The following LY6S variants were observed in gnomAD, a reference collection of about 807,000 sequenced individuals.
LY6S encodes lymphocyte antigen 6 family member S.
At chr8:143,068,531 A>G in the LY6S span, among the ~76,000 whole-genome samples, 1 of 152,092 alleles carries the variant, frequency 6.6e-6, no homozygotes, top group African/African-American at 2.4e-5. Flanking sequence ...AGATGCCAGC[A>G]CTGTGCTTCC....
chr8:143,057,702 G>C, the LY6S span: 2 of 810,248 alleles, frequency 2.5e-6, no homozygotes, highest in Non-Finnish European at 4.5e-6. Flanking sequence ...GCAGTAAGGC[G>C]TTGTTTAATG....
chr8:143,047,958 C>T, the LY6S span: 2 of 152,242 alleles, frequency 1.3e-5, no homozygotes, highest in African/African-American at 4.8e-5. Context: ...GTTCTTTCTC[C>T]TTTGCAATAC....
chr8:143,065,888 G>T, the LY6S span: 1 of 208,228 alleles, frequency 4.8e-6, no homozygotes, highest in Non-Finnish European at 9.8e-6. Flanking sequence ...AGAATAGTCT[G>T]TCTTCAGTCT....
chr8:143,068,231 G>A, the LY6S span, among the ~76,000 whole-genome samples: 1 of 152,214 alleles, frequency 6.6e-6, no homozygotes, highest in Non-Finnish European at 1.5e-5. Context: ...CATACTGCCT[G>A]CCAACAAATT....
chr8:143,057,124 T>C, the LY6S span: 1 of 353,740 alleles, frequency 2.8e-6, no homozygotes, highest in Non-Finnish European at 5.7e-6. Flanking sequence ...AGTGTATATA[T>C]AGGGCCAAAT....
At chr8:143,054,799 G>C in the LY6S span, among the ~76,000 whole-genome samples, 1 of 152,182 alleles carries the variant, frequency 6.6e-6, no homozygotes, top group Non-Finnish European at 1.5e-5. Flanking sequence ...ATTGGGATTA[G>C]CAGGGACAGC....
At chr8:143,052,916 G>T in the LY6S span, among the ~76,000 whole-genome samples, 1 of 152,190 alleles carries the variant, frequency 6.6e-6, no homozygotes, top group Non-Finnish European at 1.5e-5. Flanking sequence ...CCTTAGACCT[G>T]TTAATCAAAC....
the LY6S span, among the ~76,000 whole-genome samples, chr8:143,062,055 A>G: frequency 1.3e-5 from 2 of 152,240 alleles, no homozygotes; most frequent in Admixed American, 6.5e-5. Flanking sequence ...ATAATTAGAA[A>G]TAAAACATAT....
the LY6S span, chr8:143,044,040 A>AGCTGAGGGT: frequency 3.0e-4 from 132 of 433,114 alleles, no homozygotes; most frequent in East Asian, 3.9e-3. Context: ...CAGCTCCGAG[A>AGCTGAGGGT]GCTGAGGGTG....
At chr8:143,057,840 A>G in the LY6S span, 1 of 740,574 alleles carries the variant, frequency 1.4e-6, no homozygotes, top group Non-Finnish European at 2.5e-6. Context: ...CGGCTCCTGC[A>G]GCTGGCCTGA....
chr8:143,067,059 T>C, the LY6S span, among the ~76,000 whole-genome samples: 2 of 152,162 alleles, frequency 1.3e-5, no homozygotes, highest in Non-Finnish European at 2.9e-5. Flanking sequence ...GCCATCCTCA[T>C]GATAGTGAGT....
At chr8:143,058,169 C>T in the LY6S span, among the ~76,000 whole-genome samples, 6 of 152,116 alleles carry the variant, frequency 3.9e-5, no homozygotes, top group African/African-American at 1.2e-4. Context: ...AGGTGGGTCT[C>T]TCCCCGCGTG....
At chr8:143,067,577 G>C in the LY6S span, among the ~76,000 whole-genome samples, 7 of 152,220 alleles carry the variant, frequency 4.6e-5, no homozygotes, top group African/African-American at 1.7e-4. Context: ...GTGGGCCCAG[G>C]AGACCGGCAC....
chr8:143,046,335 T>C, the LY6S span, among the ~76,000 whole-genome samples: 1 of 151,044 alleles, frequency 6.6e-6, no homozygotes, highest in South Asian at 2.1e-4. Context: ...CCCAGCACTT[T>C]GGGAGGCTGA....
the LY6S span, among the ~76,000 whole-genome samples, chr8:143,056,557 A>G: frequency 6.6e-6 from 1 of 152,200 alleles, no homozygotes; most frequent in Admixed American, 6.6e-5. Flanking sequence ...TGTGTCTTAC[A>G]ATAAATCTGT....
chr8:143,043,363 G>C, the LY6S span: 2 of 772,452 alleles, frequency 2.6e-6, no homozygotes, highest in Non-Finnish European at 1.8e-6. Context: ...GGTGGGGGAT[G>C]AGCAGGGCCC....
the LY6S span, among the ~76,000 whole-genome samples, chr8:143,040,987 G>A: frequency 6.6e-6 from 1 of 152,166 alleles, no homozygotes; most frequent in Non-Finnish European, 1.5e-5. Context: ...GAGATCACAT[G>A]CTTCACAAGG....
At chr8:143,068,082 G>A in the LY6S span, among the ~76,000 whole-genome samples, 1 of 152,138 alleles carries the variant, frequency 6.6e-6, no homozygotes, top group Non-Finnish European at 1.5e-5. Context: ...TTCCCACAAG[G>A]CCATATCTCA....
the LY6S span, among the ~76,000 whole-genome samples, chr8:143,041,860 G>A: frequency 6.6e-6 from 1 of 150,398 alleles, no homozygotes; most frequent in Non-Finnish European, 1.5e-5. Context: ...ACTCCAGGCT[G>A]AGACGGCCGT....
Sources: gnomAD v4.1 joint callset for allele counts (sites outside exome capture counted in the v4.1 genomes callset) on GRCh38, gnomAD v4.1.1 for gene constraint, MANE v1.5 for transcripts, NCBI Gene and HGNC (gene_info 2026-07-23, HGNC 2026-07-21) for gene names.